The following RANBP9 variants were observed in gnomAD, a reference collection of about 807,000 sequenced individuals.
RANBP9 encodes the protein RAN binding protein 9, also known as ran-binding protein 9.
Under a neutral mutation model 84.3 loss-of-function variants are expected in RANBP9, and 15 were observed. The ratio of observed to expected loss-of-function variants is 0.18; its 90% CI spans 0.12 to 0.27. The LOEUF is 0.27. RANBP9 is among the 10% of genes least tolerant of loss of function. The pLI is 1.00. For synonymous variants in RANBP9, 392 were observed against 349.6 expected (o/e 1.12, Z -1.35); for missense variants, 809 against 912.8 (o/e 0.89, Z 1.46).
intron 2 of RANBP9, among the ~76,000 whole-genome samples, chr6:13,665,859 C>G (rs1479205088): frequency 6.6e-6 from 1 of 152,118 alleles, no homozygotes; most frequent in Non-Finnish European, 1.5e-5. Flanking sequence ...GCTTTACATA[C>G]AAGAAGAGCA....
intron 13 of RANBP9, among the ~76,000 whole-genome samples, chr6:13,624,478 G>A (rs1185391345): frequency 6.6e-6 from 1 of 152,058 alleles, no homozygotes; most frequent in Non-Finnish European, 1.5e-5. Flanking sequence ...CCAATTACCT[G>A]GGAATTAGAC....
chr6:13,707,846 T>C (rs1758167030), intron 1 of RANBP9, among the ~76,000 whole-genome samples: 1 of 152,264 alleles, frequency 6.6e-6, no homozygotes, highest in African/African-American at 2.4e-5. Flanking sequence ...CCGTTATCAT[T>C]ATAACTAAGT....
At chr6:13,687,020 G>T (rs1766205983) in intron 2 of RANBP9, among the ~76,000 whole-genome samples, 1 of 152,094 alleles carries the variant, frequency 6.6e-6, no homozygotes, top group South Asian at 2.1e-4. Context: ...TATGTAACAA[G>T]AAGAAATTGT....
At chr6:13,703,219 A>T (rs1438769780) in intron 1 of RANBP9, among the ~76,000 whole-genome samples, 3 of 151,934 alleles carry the variant, frequency 2.0e-5, no homozygotes, top group African/African-American at 7.3e-5. Flanking sequence ...ATGTCTGGGG[A>T]CCTACCATTT....
chr6:13,691,003 C>T (rs1253511489), intron 2 of RANBP9, among the ~76,000 whole-genome samples: 1 of 151,872 alleles, frequency 6.6e-6, no homozygotes, highest in Non-Finnish European at 1.5e-5. Flanking sequence ...CCCATCTCTC[C>T]TGAAAATACA....
chr6:13,693,655 A>G (rs186203475), intron 2 of RANBP9, among the ~76,000 whole-genome samples: 1 of 152,272 alleles, frequency 6.6e-6, no homozygotes, highest in Admixed American at 6.5e-5. Flanking sequence ...GGTTTCTGTC[A>G]CTCAACAAGC....
Position 13,632,428 on chromosome 6 carries a change from A to G in RANBP9, c.1889T>C (p.Met630Thr). 6.2e-7 allele frequency: 1 copy of G among 1,613,912 alleles called. No individual in the cohort carries two copies. The highest frequency in any genetic ancestry group is 1.1e-5 in the South Asian group (1 of 91,082). The change falls in exon 12 of 14, where the codon ATG (methionine) becomes ACG (threonine). Residue 630 changes from methionine (M) to threonine (T), a missense_variant. Transcript: ENST00000011619. The stretch of plus-strand genomic sequence containing the variant: ...ACAGTCTCTCCTTAGCTGTTCACTC[A>G]TTGCTTGCAGCTCTCGTCCAAAGTG... ...MIHFGRELQA[M>T]SEQLRRDCGK... is the part of the protein sequence containing the mutation.
chr6:13,655,165 C>G (rs1765371086), intron 4 of RANBP9, among the ~76,000 whole-genome samples: 1 of 152,186 alleles, frequency 6.6e-6, no homozygotes, highest in Non-Finnish European at 1.5e-5. Context: ...GCCAAACATT[C>G]AGGTTTACTT....
intron 1 of RANBP9, among the ~76,000 whole-genome samples, chr6:13,700,483 C>T (rs1033093926): frequency 6.5e-5 from 8 of 123,948 alleles, no homozygotes; most frequent in South Asian, 4.8e-4. Context: ...TCCTTCTTAG[C>T]CTGAGTAGGT....
At chr6:13,667,847 C>T (rs920956060) in intron 2 of RANBP9, among the ~76,000 whole-genome samples, 2 of 152,092 alleles carry the variant, frequency 1.3e-5, no homozygotes, top group Admixed American at 6.5e-5. Flanking sequence ...TTCTTCAGAA[C>T]GTATCCCCAT....
intron 11 of RANBP9, 116 bp from the exon 12 acceptor site, chr6:13,632,637 T>G: frequency 1.0e-6 from 1 of 972,150 alleles, no homozygotes; most frequent in East Asian, 2.5e-5. Context: ...TAATATTTCA[T>G]CTAAATATGC....
chr6:13,631,212 G>A (rs1764771842), intron 12 of RANBP9, among the ~76,000 whole-genome samples: 2 of 152,062 alleles, frequency 1.3e-5, no homozygotes, highest in African/African-American at 2.4e-5. Context: ...ACTAGAAACA[G>A]CAGTTTTTAT....
chr6:13,639,523 G>A, intron 9 of RANBP9, 40 bp downstream of exon 9: 1 of 1,541,386 alleles, frequency 6.5e-7, no homozygotes, highest in Non-Finnish European at 8.9e-7. Flanking sequence ...AGATTATAAA[G>A]AGGAAAAATC....
intron 10 of RANBP9, among the ~76,000 whole-genome samples, 176 bp downstream of exon 10, chr6:13,637,632 T>C (rs373400347): frequency 1.5e-4 from 23 of 152,270 alleles, no homozygotes; most frequent in African/African-American, 2.4e-4. Flanking sequence ...ATGTGCATAA[T>C]AGGAGACTAA....
chr6:13,693,792 C>T (rs1766379778), intron 2 of RANBP9, among the ~76,000 whole-genome samples: 1 of 152,170 alleles, frequency 6.6e-6, no homozygotes, highest in African/African-American at 2.4e-5. Flanking sequence ...CCTGCAATCC[C>T]AGCACTTTGG....
At chr6:13,671,134 C>T (rs893695441) in intron 2 of RANBP9, among the ~76,000 whole-genome samples, 1 of 152,108 alleles carries the variant, frequency 6.6e-6, no homozygotes, top group Non-Finnish European at 1.5e-5. Flanking sequence ...ATTTTACATA[C>T]ACTAGGATGG....
chr6:13,627,630 C>CAAAAAAAAAAA (rs35401168), intron 12 of RANBP9, among the ~76,000 whole-genome samples: 5 of 66,406 alleles, frequency 7.5e-5, no homozygotes, highest in South Asian at 6.4e-4. Flanking sequence ...ACTCCATCTC[C>CAAAAAAAAAAA]AAAAAAAAAA....
chr6:13,701,066 T>C lies in RANBP9; in HGVS notation c.572-4170A>G, dbSNP rs59136136. Among the ~76,000 whole-genome samples, 1,504 of 152,286 alleles carry C rather than the reference T, an allele frequency of 9.9e-3. 24 individuals are homozygous for C. Among genetic ancestry groups the C allele is most frequent in the African/African-American group, 0.033 (1,362 of 41,542 alleles). ...CCTTCACGTCTATACTTCAACATCATGGGAACTCTAATTCCTCAAACTCTT... is the reference window on the plus strand; with the variant it reads ...CCTTCACGTCTATACTTCAACATCACGGGAACTCTAATTCCTCAAACTCTT... On this transcript the variant is annotated intron_variant, in intron 1 of 13. Transcript: ENST00000011619.
At position 13,634,639 on chromosome 6, in the gene RANBP9, C is replaced by A. The variant is rs770737850; in HGVS notation, c.1674-87G>T. ...AATCACTACTGAACTACATAGCCTA[C>A]GAATAAACTAATTTCATAAGGCAAC... On this transcript the variant is annotated intron_variant, in intron 10 of 13. Transcript: ENST00000011619. The A allele has an allele frequency of 3.4e-6, 4 of 1,176,472 alleles. No individual in the cohort carries two copies. The African/African-American group carries it at 4.7e-5, about 14-fold the overall frequency. 72.9% of individuals were successfully genotyped at this position (1,176,472 alleles called of 1,614,324 possible).
Sources: allele counts gnomAD v4.1 joint callset (sites outside exome capture counted in the v4.1 genomes callset), GRCh38; gene constraint gnomAD v4.1.1; transcripts MANE v1.5; gene names NCBI Gene and HGNC (gene_info 2026-07-23, HGNC 2026-07-21).